Variants in AVEN observed in about 807,000 individuals in gnomAD.
The protein encoded by AVEN is cell death regulator Aven.
A neutral mutation model predicts 38.1 loss-of-function variants in AVEN; 41 were observed. The ratio of observed to expected loss-of-function variants is 1.08; its 90% confidence interval spans 0.84 to 1.40. The LOEUF is 1.40. Among genes scored for constraint, AVEN ranks in the 40% most tolerant of loss-of-function variants. The pLI, the probability that AVEN is intolerant of heterozygous loss-of-function variation, is 0.00. For synonymous variants in AVEN, 206 were observed against 171.8 expected (o/e 1.20, Z -1.56); for missense variants, 605 against 438.8 (o/e 1.38, Z -3.38).
intron 2 of AVEN, among the ~76,000 whole-genome samples, chr15:33,931,004 G>T (rs1893822001): frequency 6.6e-6 from 1 of 151,036 alleles, no homozygotes; most frequent in Admixed American, 6.6e-5. Context: ...TGTGACTGCA[G>T]GGTAACAATG....
intron 2 of AVEN, among the ~76,000 whole-genome samples, chr15:33,897,076 T>C (rs1032917131): frequency 1.3e-5 from 2 of 152,162 alleles, no homozygotes; most frequent in Non-Finnish European, 2.9e-5. Context: ...AAAGGCTACA[T>C]ACTATAGGGT....
upstream of AVEN, among the ~76,000 whole-genome samples, chr15:34,043,119 C>T (rs1899545924): frequency 6.6e-6 from 1 of 151,808 alleles, no homozygotes; most frequent in Non-Finnish European, 1.5e-5. Flanking sequence ...TGGTGACGGG[C>T]GCCTGTAGTC....
rs1433242197 is a variant in AVEN at position 33,866,744 on chromosome 15, C to A, written c.974-16G>T. On this transcript the variant is annotated splice_polypyrimidine_tract_variant and intron_variant, in intron 5 of 5. Coordinates refer to ENST00000306730, the MANE Select transcript of AVEN (RefSeq NM_020371.3). Reference sequence around the variant, plus strand: ...TTTGCACAAACTGGGGGAAAAAAAACAATGTTAACACCCTCAGATGAGTCC... The same window carrying A: ...TTTGCACAAACTGGGGGAAAAAAAAAAATGTTAACACCCTCAGATGAGTCC... The A allele has an allele frequency of 7.1e-6, 11 of 1,556,898 alleles. No individual in the cohort carries two copies. The highest frequency in any genetic ancestry group is 9.7e-6 in the Non-Finnish European group (11 of 1,128,576).
chr15:34,025,170 A>T (rs576275727), intron 1 of AVEN, among the ~76,000 whole-genome samples: 1 of 151,960 alleles, frequency 6.6e-6, no homozygotes, highest in African/African-American at 2.4e-5. Context: ...ACTCCATCTC[A>T]AAAAAAAGGG....
chr15:33,999,122 C>T (rs546694985), intron 2 of AVEN, among the ~76,000 whole-genome samples: 1 of 152,322 alleles, frequency 6.6e-6, no homozygotes, highest in African/African-American at 2.4e-5. Context: ...ATTACAACTT[C>T]CCTTGTCTTC....
At chr15:33,956,189 C>T (rs1382951797) in intron 2 of AVEN, among the ~76,000 whole-genome samples, 1 of 152,160 alleles carries the variant, frequency 6.6e-6, no homozygotes, top group Non-Finnish European at 1.5e-5. Context: ...CCAGCTGTCG[C>T]TCCTTGCTAA....
At chr15:33,925,493 A>C (rs1018720708) in intron 2 of AVEN, among the ~76,000 whole-genome samples, 1 of 152,228 alleles carries the variant, frequency 6.6e-6, no homozygotes, top group Admixed American at 6.5e-5. Flanking sequence ...CTGGTGCTCC[A>C]GTCACTGCGG....
chr15:34,048,205 C>G (rs1470221859), intron 5 of AVEN, among the ~76,000 whole-genome samples: 1 of 152,272 alleles, frequency 6.6e-6, no homozygotes, highest in African/African-American at 2.4e-5. Context: ...GACCCGGATC[C>G]ATTCCTCCTC....
At chr15:33,859,676 C>CT (rs755019497) in intron 11 of AVEN, 2 of 1,613,768 alleles carry the variant, frequency 1.2e-6, no homozygotes, top group Non-Finnish European at 1.7e-6. Context: ...ATCGCATTGT[C>CT]TTTGACATTA....
At chr15:33,909,816 G>T (rs952739323) in intron 2 of AVEN, among the ~76,000 whole-genome samples, 1 of 152,176 alleles carries the variant, frequency 6.6e-6, no homozygotes, top group South Asian at 2.1e-4. Context: ...CATTTATGTA[G>T]CACCTTTTTT....
At chr15:33,865,286 C>G (rs534877059), downstream of AVEN, 5 of 1,207,010 alleles carry the variant, frequency 4.1e-6, no homozygotes, top group Non-Finnish European at 6.1e-6. Context: ...ATAAAGTCCC[C>G]TTTTTACAGT....
intron 2 of AVEN, among the ~76,000 whole-genome samples, chr15:33,945,168 A>G (rs1474857454): frequency 6.6e-6 from 1 of 152,194 alleles, no homozygotes; most frequent in East Asian, 1.9e-4. Context: ...CAATCTTGTC[A>G]TAGATCCTAC....
chr15:33,964,928 T>C (rs1895330421), intron 2 of AVEN, among the ~76,000 whole-genome samples: 1 of 152,192 alleles, frequency 6.6e-6, no homozygotes, highest in South Asian at 2.1e-4. Context: ...ATGGTTATTC[T>C]CAGTAGGCAA....
At position 34,021,335 on chromosome 15, in the gene AVEN, G is replaced by A. The variant is rs1898191899; in HGVS notation, c.267+17445C>T. On this transcript the variant is annotated intron_variant, in intron 1 of 5. Transcript: ENST00000306730. ...AGTTTCACTCTTGTTGCCCAGACTG[G>A]AGTACAATGGCGCCATCTTGGCTCA... Among the ~76,000 whole-genome samples the A allele has an allele frequency of 4.0e-5, 6 of 151,736 alleles. No individual in the cohort carries two copies. The South Asian group carries it at 1.3e-3, about 32-fold the overall frequency.
At chr15:33,916,487 CA>C (rs1893142454) in intron 2 of AVEN, among the ~76,000 whole-genome samples, 1 of 151,762 alleles carries the variant, frequency 6.6e-6, no homozygotes, top group Admixed American at 6.6e-5. Flanking sequence ...CTTAAATCAG[CA>C]GGAAAAAAAA....
chr15:33,961,785 C>T (rs1284619376), intron 2 of AVEN, among the ~76,000 whole-genome samples: 1 of 133,466 alleles, frequency 7.5e-6, no homozygotes, highest in African/African-American at 2.8e-5. Context: ...TGCACTCCAG[C>T]CTGGGCGACA....
chr15:33,868,672 G>A (rs1173456962), intron 4 of AVEN, among the ~76,000 whole-genome samples: 1 of 151,802 alleles, frequency 6.6e-6, no homozygotes, highest in Non-Finnish European at 1.5e-5. Flanking sequence ...GGTAAAAAAT[G>A]CCAGACACAA....
At chr15:33,909,292 A>G (rs1567408783) in intron 2 of AVEN, among the ~76,000 whole-genome samples, 1 of 152,222 alleles carries the variant, frequency 6.6e-6, no homozygotes, top group African/African-American at 2.4e-5. Flanking sequence ...CTGGCAATTC[A>G]GAGAAAGAGA....
At chr15:33,881,712 T>C (rs182501791) in intron 2 of AVEN, among the ~76,000 whole-genome samples, 1 of 152,376 alleles carries the variant, frequency 6.6e-6, no homozygotes, top group African/African-American at 2.4e-5. Flanking sequence ...GCTACTTTTA[T>C]ATCTTATATA....
Sources: allele counts gnomAD v4.1 joint callset (sites outside exome capture counted in the v4.1 genomes callset), GRCh38; gene constraint gnomAD v4.1.1; transcripts MANE v1.5; gene names NCBI Gene and HGNC (gene_info 2026-07-23, HGNC 2026-07-21).